Variants in CDH8 observed in about 807,000 individuals in gnomAD.
CDH8 encodes the protein cadherin 8.
CDH8 carries 17 observed loss-of-function variants against 68.1 expected under a neutral mutation model. The observed-to-expected ratio is 0.25, with a 90% CI of 0.17 to 0.37. The LOEUF is 0.37. Ranked by LOEUF, CDH8 falls within the 10% of genes least tolerant of loss-of-function variation. The pLI, the probability that CDH8 is intolerant of heterozygous loss-of-function variation, is 1.00. For synonymous variants in CDH8, 372 were observed against 365.1 expected, an observed-to-expected ratio of 1.02 and a Z score of -0.21; for missense variants, 763 against 999.3, an observed-to-expected ratio of 0.76 and a Z score of 3.19.
chr16:61,680,674 T>G lies in CDH8; in HGVS notation c.1655-24953A>C, dbSNP rs571626216. Among the ~76,000 whole-genome samples the G allele has an allele frequency of 5.9e-5, 9 of 151,848 alleles. No homozygotes were observed. The South Asian group carries it at 1.9e-3, about 31-fold the overall frequency. On this transcript the variant is annotated intron_variant, in intron 10 of 11. Coordinates refer to ENST00000577390, the MANE Select transcript of CDH8 (RefSeq NM_001796.5). The stretch of plus-strand genomic sequence containing the variant: ...ACACACACAATTGGCACCTATGACA[T>G]ATGTAATTTTAAAACATTAACTTTA...
In CDH8 at chr16:61,908,501, T is replaced by C. The variant is rs3784853; in HGVS notation, c.253-7028A>G. Among the ~76,000 whole-genome samples the C allele has an allele frequency of 2.6e-5, 4 of 152,222 alleles. No individual in the cohort carries two copies. The East Asian group carries it at 7.7e-4, about 29-fold the overall frequency. On this transcript the variant is annotated intron_variant, in intron 2 of 11. Coordinates refer to ENST00000577390, the MANE Select transcript of CDH8 (RefSeq NM_001796.5). ...AAAAGATCAGGAGTAAGCCTTGAAA[T>C]TGACTCATGTTAACTTCCATTCAGC...
intron 1 of CDH8, among the ~76,000 whole-genome samples, chr16:62,031,354 T>C (rs1310719262): frequency 5.9e-5 from 9 of 152,174 alleles, no homozygotes; most frequent in African/African-American, 1.9e-4. Context: ...GAGAAAATTG[T>C]GGTAGATAAG....
At chr16:61,904,404 A>G (rs1964030177) in intron 2 of CDH8, among the ~76,000 whole-genome samples, 1 of 152,068 alleles carries the variant, frequency 6.6e-6, no homozygotes, top group Non-Finnish European at 1.5e-5. Context: ...AGATATCCCA[A>G]ATGCACTGAA....
intron 2 of CDH8, among the ~76,000 whole-genome samples, chr16:61,954,251 A>G (rs998342031): frequency 6.6e-6 from 1 of 152,160 alleles, no homozygotes; most frequent in East Asian, 1.9e-4. Context: ...AAAACCCATT[A>G]TATATGATGT....
At chr16:61,990,062 T>A (rs1965690006) in intron 2 of CDH8, among the ~76,000 whole-genome samples, 1 of 152,178 alleles carries the variant, frequency 6.6e-6, no homozygotes, top group African/African-American at 2.4e-5. Flanking sequence ...CACAATCTCT[T>A]TAAATTAGAA....
intron 1 of CDH8, among the ~76,000 whole-genome samples, chr16:62,025,099 A>G (rs1397270906): frequency 6.6e-6 from 1 of 152,204 alleles, no homozygotes; most frequent in African/African-American, 2.4e-5. Context: ...GGTTTCCTAG[A>G]GGGGATGTCA....
chr16:62,005,274 G>A (rs896405522), intron 2 of CDH8, among the ~76,000 whole-genome samples: 4 of 152,132 alleles, frequency 2.6e-5, no homozygotes, highest in African/African-American at 7.2e-5. Context: ...AGCCTTCCTC[G>A]AACATTAGCA....
intron 4 of CDH8, among the ~76,000 whole-genome samples, chr16:61,830,930 A>G (rs917190793): frequency 1.3e-5 from 2 of 151,834 alleles, no homozygotes; most frequent in African/African-American, 4.8e-5. Context: ...TAAATTTCCA[A>G]CAGTAATGTT....
intron 2 of CDH8, among the ~76,000 whole-genome samples, chr16:61,948,748 A>T (rs117259246): frequency 6.6e-6 from 1 of 152,320 alleles, no homozygotes; most frequent in East Asian, 1.9e-4. Context: ...TTGTTGGAAC[A>T]GTGTCTTTTT....
At chr16:61,899,831 G>GACACGCACAC (rs1963935398) in intron 3 of CDH8, among the ~76,000 whole-genome samples, 1 of 147,230 alleles carries the variant, frequency 6.8e-6, no homozygotes, top group African/African-American at 2.5e-5. Flanking sequence ...ATGTTATAAA[G>GACACGCACAC]ACACACACAC....
At chr16:61,752,282 AGGGC>A (rs1170028643) in intron 8 of CDH8, among the ~76,000 whole-genome samples, 1 of 152,188 alleles carries the variant, frequency 6.6e-6, no homozygotes, top group Non-Finnish European at 1.5e-5. Context: ...CTCTAAAAGA[AGGGC>A]ATGGTTAATG....
chr16:61,688,635 A>ATATCCCAG (rs1178277211), intron 10 of CDH8, among the ~76,000 whole-genome samples: 2 of 151,960 alleles, frequency 1.3e-5, no homozygotes, highest in African/African-American at 4.8e-5. Flanking sequence ...GAGATGGATC[A>ATATCCCAG]TATCCCAGTG....
At chr16:61,699,865 C>T (rs573607823) in intron 10 of CDH8, among the ~76,000 whole-genome samples, 69 of 152,306 alleles carry the variant, frequency 4.5e-4, no homozygotes, top group Non-Finnish European at 5.6e-4. Flanking sequence ...CATGAGCCAC[C>T]GTGCCCGGCC....
At chr16:61,784,866 A>G (rs1375256120) in intron 8 of CDH8, among the ~76,000 whole-genome samples, 1 of 152,218 alleles carries the variant, frequency 6.6e-6, no homozygotes, top group African/African-American at 2.4e-5. Flanking sequence ...AAAGGCAGAA[A>G]TAAAGATGTT....
intron 10 of CDH8, among the ~76,000 whole-genome samples, chr16:61,708,404 T>G (rs1312080125): frequency 2.6e-5 from 4 of 152,212 alleles, no homozygotes; most frequent in Admixed American, 2.6e-4. Flanking sequence ...CAGTGCTATG[T>G]CTGACCAGAG....
intron 5 of CDH8, among the ~76,000 whole-genome samples, chr16:61,824,080 A>T (rs570437263): frequency 6.6e-6 from 1 of 151,890 alleles, no homozygotes. Flanking sequence ...TTATACAATG[A>T]AATATTATTC....
intron 8 of CDH8, among the ~76,000 whole-genome samples, chr16:61,767,904 T>G (rs1200987396): frequency 1.3e-5 from 2 of 151,234 alleles, no homozygotes; most frequent in Non-Finnish European, 2.9e-5. Flanking sequence ...AATTATTTGC[T>G]GCAAAGTCTT....
At chr16:61,837,648 T>C (rs1744980571) in intron 4 of CDH8, among the ~76,000 whole-genome samples, 1 of 152,078 alleles carries the variant, frequency 6.6e-6, no homozygotes, top group Non-Finnish European at 1.5e-5. Flanking sequence ...CCACAATGTA[T>C]TGGCTTTCTG....
chr16:61,788,515 C>T (rs902053877), intron 8 of CDH8, among the ~76,000 whole-genome samples: 17 of 152,114 alleles, frequency 1.1e-4, no homozygotes, highest in African/African-American at 4.1e-4. Flanking sequence ...TAATAAGCAA[C>T]ATGTTTTTTG....
Sources: gnomAD v4.1 joint callset for allele counts (sites outside exome capture counted in the v4.1 genomes callset) on GRCh38, gnomAD v4.1.1 for gene constraint, MANE v1.5 for transcripts, NCBI Gene and HGNC (gene_info 2026-07-23, HGNC 2026-07-21) for gene names.